SULF2: variants seen among roughly 807,000 people sequenced by gnomAD.
SULF2 encodes the protein extracellular sulfatase Sulf-2.
A neutral mutation model predicts 107.7 loss-of-function variants in SULF2; 52 were observed. The ratio of observed to expected loss-of-function variants is 0.48; its 90% CI spans 0.39 to 0.61. The LOEUF (loss-of-function observed/expected upper bound fraction) is 0.61, where lower values mean the gene tolerates loss of function less well. SULF2 is among the 20% of genes least tolerant of loss of function. The pLI is 0.00. For synonymous variants in SULF2, 460 were observed against 464.3 expected, an observed-to-expected ratio of 0.99 and a Z score of 0.12; for missense variants, 993 against 1,177.3, an observed-to-expected ratio of 0.84 and a Z score of 2.29.
At chr20:47,731,345 A>C (rs1017028200) in intron 3 of SULF2, among the ~76,000 whole-genome samples, 27 of 151,210 alleles carry the variant, frequency 1.8e-4, no homozygotes, top group African/African-American at 6.3e-4. Flanking sequence ...GGTGTACATC[A>C]CCATGCCTGG....
chr20:47,664,662 C>T (rs1011092627), intron 14 of SULF2, among the ~76,000 whole-genome samples: 6 of 152,218 alleles, frequency 3.9e-5, no homozygotes, highest in African/African-American at 1.4e-4. Flanking sequence ...TACAGCTGTG[C>T]TGTCCAGTAT....
intron 2 of SULF2, among the ~76,000 whole-genome samples, chr20:47,748,064 G>A (rs1350742650): frequency 2.0e-5 from 3 of 152,150 alleles, no homozygotes; most frequent in Non-Finnish European, 4.4e-5. Flanking sequence ...GAACATGCAC[G>A]CATAGCTGAC....
intron 3 of SULF2, among the ~76,000 whole-genome samples, chr20:47,723,568 G>A (rs141750767): frequency 6.1e-4 from 93 of 152,294 alleles, no homozygotes; most frequent in African/African-American, 2.0e-3. Flanking sequence ...ATTTACAGCC[G>A]CTTCCCATCA....
chr20:47,730,449 TGTTG>T (rs1352919340), intron 3 of SULF2, among the ~76,000 whole-genome samples: 1 of 152,122 alleles, frequency 6.6e-6, no homozygotes, highest in Non-Finnish European at 1.5e-5. Flanking sequence ...GTTGCCTTTT[TGTTG>T]TTGTTACTTT....
chr20:47,677,510 G>GTCAGGCGCAGTGGTTCAGCA (rs1157145013), intron 8 of SULF2, among the ~76,000 whole-genome samples: 1 of 152,072 alleles, frequency 6.6e-6, no homozygotes, highest in Non-Finnish European at 1.5e-5. Flanking sequence ...CGAGTTCAGC[G>GTCAGGCGCAGTGGTTCAGCA]TCAGGCGCAG....
chr20:47,681,006 A>G (rs1439283717), intron 7 of SULF2, among the ~76,000 whole-genome samples: 2 of 152,222 alleles, frequency 1.3e-5, no homozygotes, highest in African/African-American at 4.8e-5. Flanking sequence ...CACGTGACCT[A>G]AGTCAGGCCA....
At chr20:47,750,499 T>C (rs76980399) in intron 2 of SULF2, among the ~76,000 whole-genome samples, 1,998 of 152,318 alleles carry the variant, frequency 0.013, 21 homozygotes, top group Middle Eastern at 0.02. Flanking sequence ...ACCATTGCAA[T>C]AGACTCCTCA....
intron 5 of SULF2, among the ~76,000 whole-genome samples, chr20:47,687,544 C>T (rs1198595166): frequency 6.6e-6 from 1 of 152,150 alleles, no homozygotes; most frequent in Non-Finnish European, 1.5e-5. Context: ...CCCCAAAGCC[C>T]TTGAAGCCAC....
intron 3 of SULF2, among the ~76,000 whole-genome samples, chr20:47,728,975 T>C (rs1162381566): frequency 6.6e-6 from 1 of 152,022 alleles, no homozygotes; most frequent in East Asian, 1.9e-4. Context: ...AACGAGACAA[T>C]CAATGAGACA....
intron 17 of SULF2, 67 bp downstream of exon 17, chr20:47,663,003 G>A (rs949742572): frequency 6.3e-7 from 1 of 1,575,972 alleles, no homozygotes. Flanking sequence ...CCTGAGGTTG[G>A]GGGGGGCCTA....
intron 3 of SULF2, among the ~76,000 whole-genome samples, chr20:47,709,884 C>T (rs377186711): frequency 6.6e-6 from 1 of 150,430 alleles, no homozygotes; most frequent in East Asian, 2.0e-4. Context: ...CCTGGGGATC[C>T]ACTCTTACCT....
intron 6 of SULF2, among the ~76,000 whole-genome samples, chr20:47,683,522 T>C (rs1428943195): frequency 6.6e-6 from 1 of 152,254 alleles, no homozygotes; most frequent in Non-Finnish European, 1.5e-5. Flanking sequence ...AATAATGCTG[T>C]CAGGTGAATG....
At chr20:47,671,727 T>C (rs1040621945) in intron 11 of SULF2, among the ~76,000 whole-genome samples, 1 of 152,058 alleles carries the variant, frequency 6.6e-6, no homozygotes, top group East Asian at 1.9e-4. Context: ...GTTTCTTCCT[T>C]TTTTTTGAGA....
chr20:47,765,851 G>A (rs907831774), intron 1 of SULF2, among the ~76,000 whole-genome samples: 3 of 152,244 alleles, frequency 2.0e-5, no homozygotes, highest in Admixed American at 2.0e-4. Flanking sequence ...AGCAACAAGT[G>A]ATACAAGGGA....
At chr20:47,713,726 G>A (rs1371949983) in intron 3 of SULF2, among the ~76,000 whole-genome samples, 1 of 150,910 alleles carries the variant, frequency 6.6e-6, no homozygotes, top group Non-Finnish European at 1.5e-5. Flanking sequence ...CTCCAGCCTG[G>A]GCAACGGAGT....
intron 3 of SULF2, among the ~76,000 whole-genome samples, chr20:47,711,712 G>A (rs2088934314): frequency 6.6e-6 from 1 of 152,178 alleles, no homozygotes; most frequent in African/African-American, 2.4e-5. Flanking sequence ...TATTCACTTT[G>A]ATTTGGCAAT....
At chr20:47,700,933 A>G (rs1286989813) in intron 4 of SULF2, among the ~76,000 whole-genome samples, 3 of 152,346 alleles carry the variant, frequency 2.0e-5, no homozygotes, top group South Asian at 4.1e-4. Flanking sequence ...GGTGTGAGCC[A>G]CTGCGCCTGG....
chr20:47,764,480 C>G (rs1333149423), intron 1 of SULF2, among the ~76,000 whole-genome samples: 3 of 152,178 alleles, frequency 2.0e-5, no homozygotes, highest in African/African-American at 7.2e-5. Flanking sequence ...TGCAGGGCAG[C>G]GCATGTGAGC....
At chr20:47,776,732 G>T (rs2090732266) in intron 1 of SULF2, among the ~76,000 whole-genome samples, 2 of 152,188 alleles carry the variant, frequency 1.3e-5, no homozygotes, top group Non-Finnish European at 2.9e-5. Context: ...AGGCCGTGAG[G>T]TCCCTGCCGT....
Sources: gnomAD v4.1 joint callset for allele counts (sites outside exome capture counted in the v4.1 genomes callset) on GRCh38, gnomAD v4.1.1 for gene constraint, MANE v1.5 for transcripts, NCBI Gene and HGNC (gene_info 2026-07-23, HGNC 2026-07-21) for gene names.